DLGAP4: variants seen among roughly 807,000 people sequenced by gnomAD.
DLGAP4 encodes the protein DLG associated protein 4.
Under a neutral mutation model 86.9 loss-of-function variants are expected in DLGAP4, and 18 were observed. That is an observed-to-expected ratio of 0.21 (90% CI 0.14 to 0.31). The LOEUF is 0.31. Ranked by LOEUF, DLGAP4 falls within the 10% of genes least tolerant of loss-of-function variation. The pLI, the probability that DLGAP4 is intolerant of heterozygous loss-of-function variation, is 1.00. For missense variants in DLGAP4, 1,085 were observed against 1,362.6 expected (o/e 0.80, Z 3.21); for synonymous variants, 548 against 574.3 (o/e 0.95, Z 0.65).
chr20:36,362,635 G>A (rs369015087), intron 1 of DLGAP4, among the ~76,000 whole-genome samples: 4 of 152,180 alleles, frequency 2.6e-5, no homozygotes, highest in South Asian at 2.1e-4. Context: ...AAGTATTCAC[G>A]GAGCACCTCC....
intron 7 of DLGAP4, among the ~76,000 whole-genome samples, chr20:36,458,413 C>T (rs964074047): frequency 8.5e-5 from 11 of 129,398 alleles, no homozygotes; most frequent in South Asian, 5.2e-4. Context: ...AGTGCCATGG[C>T]GAGGGGTTTC....
intron 2 of DLGAP4, among the ~76,000 whole-genome samples, chr20:36,376,621 GGAGA>G (rs761180385): frequency 2.0e-5 from 3 of 152,142 alleles, no homozygotes; most frequent in Admixed American, 6.5e-5. Context: ...CTGCTCAAGG[GGAGA>G]GAGAGAGTTA....
chr20:36,437,457 T>C (rs780604327), intron 4 of DLGAP4, among the ~76,000 whole-genome samples: 55 of 152,190 alleles, frequency 3.6e-4, no homozygotes, highest in Non-Finnish European at 6.0e-4. Context: ...GTAACAGCAC[T>C]GCCTAGGGAA....
At position 36,465,114 on chromosome 20, in the gene DLGAP4, T is replaced by TG. The variant is rs762485504; in HGVS notation, c.1648+18180dup. Among the ~76,000 whole-genome samples the TG allele has an allele frequency of 6.4e-4, 98 of 152,224 alleles. 1 individual carries two copies. The highest frequency in any genetic ancestry group is 2.3e-3 in the Admixed American group (35 of 15,280). The stretch of plus-strand genomic sequence containing the variant: ...TGAACTTTCCCTTCCCAAAAACATC[T>TG]GGGTGACTTTTCTCTTTGTAGGAAC... On this transcript the variant is annotated intron_variant, in intron 7 of 12. Transcript: ENST00000339266.
chr20:36,379,120 A>G (rs1321361057), intron 2 of DLGAP4, among the ~76,000 whole-genome samples: 1 of 152,194 alleles, frequency 6.6e-6, no homozygotes, highest in African/African-American at 2.4e-5. Flanking sequence ...TTCCAGAGAC[A>G]GGGTGGTCAG....
chr20:36,345,206 G>A (rs546684141), intron 1 of DLGAP4, among the ~76,000 whole-genome samples: 1 of 152,318 alleles, frequency 6.6e-6, no homozygotes, highest in East Asian at 1.9e-4. Flanking sequence ...TTATATAGAC[G>A]AGAGAACTGA....
chr20:36,431,761 G>T lies in DLGAP4; in HGVS notation c.44G>T (p.Ser15Ile). The T allele has an allele frequency of 6.2e-7, 1 of 1,611,046 alleles. No individual in the cohort carries two copies. Reference sequence around the variant, plus strand: ...AGCCGCCCCCGCCACCTCTCCGACAGCCTAGACCCACCCCACGAGCCCCTG... The same window carrying T: ...AGCCGCCCCCGCCACCTCTCCGACATCCTAGACCCACCCCACGAGCCCCTG... ...GDSRPRHLSDSLDPPHEPLFA... is the reference protein window; with the variant it reads ...GDSRPRHLSDILDPPHEPLFA... The change falls in exon 3 of 13, where the codon AGC (serine) becomes ATC (isoleucine). Residue 15 changes from serine to isoleucine, a missense_variant. Physicochemically the swap from Ser to Ile is moderately radical, Grantham distance 142. This residue lies in a region of DLGAP4 where 1,082 missense variants were observed against 1,344.1 expected (regional missense o/e 0.81). Coordinates refer to ENST00000339266, the MANE Select transcript of DLGAP4 (RefSeq NM_001365621.2). This position sits in a 1 kb window ranked among gnomAD's most constrained non-coding sequence, Gnocchi z 5.1.
At chr20:36,385,446 C>T (rs918691887) in intron 2 of DLGAP4, among the ~76,000 whole-genome samples, 1 of 152,066 alleles carries the variant, frequency 6.6e-6, no homozygotes, top group Non-Finnish European at 1.5e-5. Context: ...GGAAAGACTG[C>T]CCCCTACACA....
chr20:36,367,843 G>A (rs2030750430), intron 2 of DLGAP4, among the ~76,000 whole-genome samples: 1 of 152,182 alleles, frequency 6.6e-6, no homozygotes, highest in East Asian at 1.9e-4. Context: ...CAACCACAGT[G>A]CCACCACTTC....
intron 7 of DLGAP4, among the ~76,000 whole-genome samples, chr20:36,486,665 T>C (rs1240527518): frequency 1.3e-5 from 2 of 151,752 alleles, no homozygotes; most frequent in African/African-American, 2.4e-5. Flanking sequence ...GGCTGGAGTG[T>C]AGTGGCGCAA....
At chr20:36,477,576 G>A (rs2035003303) in intron 7 of DLGAP4, among the ~76,000 whole-genome samples, 1 of 152,168 alleles carries the variant, frequency 6.6e-6, no homozygotes, top group South Asian at 2.1e-4. Context: ...AATGGGATGA[G>A]GAAGGCTGTG....
chr20:36,471,285 G>A (rs985755679), intron 7 of DLGAP4, among the ~76,000 whole-genome samples: 10 of 152,168 alleles, frequency 6.6e-5, no homozygotes, highest in African/African-American at 2.2e-4. Flanking sequence ...TCAGGAGTTC[G>A]AGACCTCTAC....
chr20:36,323,270 C>T (rs1342264129), intron 1 of DLGAP4, among the ~76,000 whole-genome samples: 1 of 151,956 alleles, frequency 6.6e-6, no homozygotes, highest in Non-Finnish European at 1.5e-5. Context: ...TCCCCACCTC[C>T]CTTCCCCAGG....
chr20:36,473,898 A>T (rs2034791073), intron 7 of DLGAP4, among the ~76,000 whole-genome samples: 1 of 152,224 alleles, frequency 6.6e-6, no homozygotes, highest in East Asian at 1.9e-4. Flanking sequence ...ATGTACCTAT[A>T]GTTAAGAGCA....
chr20:36,492,787 A>G (rs1259148605), intron 7 of DLGAP4: 1 of 152,104 alleles, frequency 6.6e-6, no homozygotes. Context: ...TTTTGAGCAA[A>G]TTGAGGTTGG....
chr20:36,491,737 C>T (rs2035672344), intron 7 of DLGAP4, among the ~76,000 whole-genome samples: 1 of 152,148 alleles, frequency 6.6e-6, no homozygotes, highest in Non-Finnish European at 1.5e-5. Context: ...GCCCTAGAAC[C>T]TTGGATACTA....
intron 10 of DLGAP4, among the ~76,000 whole-genome samples, chr20:36,511,334 C>A (rs1311253583): frequency 6.6e-6 from 1 of 152,120 alleles, no homozygotes; most frequent in East Asian, 1.9e-4. Context: ...TTCCAAGTAG[C>A]TGAGGCTACA....
At chr20:36,526,059 A>T in intron 12 of DLGAP4, 53 bp downstream of exon 12, 2 of 1,611,994 alleles carry the variant, frequency 1.2e-6, no homozygotes, top group Non-Finnish European at 1.7e-6. Context: ...CCTGGTCGGC[A>T]ATAACGCTGC....
At chr20:36,419,105 C>T (rs1387928872) in intron 2 of DLGAP4, among the ~76,000 whole-genome samples, 2 of 151,842 alleles carry the variant, frequency 1.3e-5, no homozygotes, top group Non-Finnish European at 2.9e-5. Flanking sequence ...AGATTCGTGA[C>T]CTATTTCTTT....
Sources: allele counts gnomAD v4.1 joint callset (sites outside exome capture counted in the v4.1 genomes callset), GRCh38; gene constraint gnomAD v4.1.1; regional missense constraint gnomAD v4.1.1; non-coding constraint Gnocchi (gnomAD v3.1); transcripts MANE v1.5; gene names NCBI Gene and HGNC (gene_info 2026-07-23, HGNC 2026-07-21).